Variants in FBXO32 observed in about 807,000 individuals in gnomAD.
FBXO32 encodes the protein F-box only protein 32.
A neutral mutation model predicts 48.3 loss-of-function variants in FBXO32; 15 were observed. The observed-to-expected ratio is 0.31, with a 90% CI of 0.21 to 0.48. The LOEUF (loss-of-function observed/expected upper bound fraction) is 0.48, where lower values mean the gene tolerates loss of function less well. FBXO32 is among the 20% of genes least tolerant of loss of function. The pLI, the probability that FBXO32 is intolerant of heterozygous loss-of-function variation, is 0.99. For synonymous variants in FBXO32, 154 were observed against 165.9 expected (o/e 0.93, Z 0.55); for missense variants, 309 against 432.7 (o/e 0.71, Z 2.54).
At chr8:123,535,490 T>C (rs1180835407) in intron 1 of FBXO32, among the ~76,000 whole-genome samples, 1 of 152,216 alleles carries the variant, frequency 6.6e-6, no homozygotes, top group Admixed American at 6.5e-5. Context: ...GGTGAAGACC[T>C]TGGGTCTTGA....
At position 123,500,850 on chromosome 8, in the gene FBXO32, C is replaced by G. The variant is rs1816467094; in HGVS notation, c.*2523G>C. On this transcript the variant is annotated 3_prime_UTR_variant, in exon 9 of 9. Coordinates refer to ENST00000517956, the MANE Select transcript of FBXO32 (RefSeq NM_058229.4). ...AAAATTTCCTTGAGTCTGTCATACA[C>G]CAGCTCCAATAACACCAAAGGACAC... 1 of 152,206 alleles carries G rather than the reference C, an allele frequency of 6.6e-6. No individual in the cohort carries two copies. Among genetic ancestry groups the G allele is most frequent in the Admixed American group, 6.5e-5 (1 of 15,284 alleles). The allele number at this position is 152,206 out of a possible 1,614,324, so 9.4% of individuals were successfully genotyped here. A position where few individuals can be genotyped will look rare whatever the true frequency, so the allele number is the denominator to read the frequency against.
At position 123,502,581 on chromosome 8, in the gene FBXO32, C is replaced by T. The variant is rs909361758; in HGVS notation, c.*792G>A. The stretch of plus-strand genomic sequence containing the variant: ...GCCTTCTTTTCCCCCAAATGAGCTA[C>T]AACATGACAGGAAAAAAGGAACATG... On this transcript the variant is annotated 3_prime_UTR_variant, in exon 9 of 9. Transcript: ENST00000517956. 5.3e-5 allele frequency: 8 copies of T among 152,182 alleles called. No homozygotes were observed. The highest frequency in any genetic ancestry group is 4.1e-4 in the South Asian group (2 of 4,830). The allele number at this position is 152,182 out of a possible 1,614,324, so 9.4% of individuals were successfully genotyped here.
At position 123,506,294 on chromosome 8, in the gene FBXO32, G is replaced by A; in HGVS notation, c.834+98C>T. The A allele has an allele frequency of 7.5e-7, 1 of 1,338,138 alleles. No homozygotes were observed. The highest frequency in any genetic ancestry group is 1.0e-6 in the Non-Finnish European group (1 of 957,052). The allele number at this position is 1,338,138 out of a possible 1,614,324, so 82.9% of individuals were successfully genotyped here. On this transcript the variant is annotated intron_variant, in intron 7 of 8. Transcript: ENST00000517956. The surrounding 1 kb of genome is among the most constrained non-coding windows in gnomAD (Gnocchi z 4.0). ...AGTCAAACCAGGGAACCTGGAATAG[G>A]GGGAACCCAGACCTCAGGCTTGAGC...
At chr8:123,534,630 T>C in intron 2 of FBXO32, 72 bp downstream of exon 2, 1 of 955,638 alleles carries the variant, frequency 1.0e-6, no homozygotes, top group Non-Finnish European at 1.7e-6. Flanking sequence ...AGGTGTTATT[T>C]TTTTTCATCC....
rs1041194419 is a variant in FBXO32 at position 123,540,571 on chromosome 8, C to G, written c.116+328G>C. Among the ~76,000 whole-genome samples the G allele has an allele frequency of 6.6e-6, 1 of 152,246 alleles. No homozygotes were observed. Among genetic ancestry groups the G allele is most frequent in the East Asian group, 1.9e-4 (1 of 5,190 alleles). On this transcript the variant is annotated intron_variant, in intron 1 of 8. Coordinates refer to ENST00000517956, the MANE Select transcript of FBXO32 (RefSeq NM_058229.4). This position sits in a 1 kb window ranked among gnomAD's most constrained non-coding sequence, Gnocchi z 6.4. ...GACTCCGGTGTCCTTAAAGCAGGGACCACTAAAGCTGTGTGATTAAGTTTG... is the reference window on the plus strand; with the variant it reads ...GACTCCGGTGTCCTTAAAGCAGGGAGCACTAAAGCTGTGTGATTAAGTTTG...
rs774475452 is a variant in FBXO32 at position 123,506,431 on chromosome 8, C to A, written c.795G>T (p.Leu265=). 6.2e-7 allele frequency: 1 copy of A among 1,614,128 alleles called. No homozygotes were observed. The highest frequency in any genetic ancestry group is 1.7e-5 in the Admixed American group (1 of 60,030). Residue 265 remains leucine (L), a synonymous_variant, in exon 7 of 9, where the codon CTG becomes CTT. Transcript: ENST00000517956. This position sits in a 1 kb window ranked among gnomAD's most constrained non-coding sequence, Gnocchi z 4.0. Reference sequence around the variant, plus strand: ...AGTGGTACTGGCAGAGTTTCTTCCACAGCAGCCGGTCTTCGCTGAGCACGT... The same window carrying A: ...AGTGGTACTGGCAGAGTTTCTTCCAAAGCAGCCGGTCTTCGCTGAGCACGT... ...DLHVLSEDRL[L]WKKLCQYHFS... is the part of the protein sequence containing the mutation.
rs1246739280 is a variant in FBXO32 at position 123,501,996 on chromosome 8, C to T, written c.*1377G>A. On this transcript the variant is annotated 3_prime_UTR_variant, in exon 9 of 9. Transcript: ENST00000517956. ...TTAGGTCCTGAGATTTCCTTTCTTCCACAGTTACCTGCTGATATTTGCCTC... is the reference window on the plus strand; with the variant it reads ...TTAGGTCCTGAGATTTCCTTTCTTCTACAGTTACCTGCTGATATTTGCCTC... 2 of 152,144 alleles carry T rather than the reference C, an allele frequency of 1.3e-5. No individual in the cohort carries two copies. Among genetic ancestry groups the T allele is most frequent in the African/African-American group, 4.8e-5 (2 of 41,418 alleles). The allele number at this position is 152,144 out of a possible 1,614,324, so 9.4% of individuals were successfully genotyped here. A position where few individuals can be genotyped will look rare whatever the true frequency, so the allele number is the denominator to read the frequency against.
intron 1 of FBXO32, among the ~76,000 whole-genome samples, chr8:123,538,833 A>AG (rs1243540827): frequency 6.6e-6 from 1 of 152,034 alleles, no homozygotes; most frequent in Non-Finnish European, 1.5e-5. Flanking sequence ...AGGACACGGG[A>AG]GGGGGGCTGT....
intron 6 of FBXO32, among the ~76,000 whole-genome samples, chr8:123,507,438 GGTGTGT>G (rs200031056): frequency 0.096 from 13,361 of 139,802 alleles, 788 homozygotes; most frequent in Admixed American, 0.21. Context: ...TCTGTGCTAG[GGTGTGT>G]GTGTGTGTGT....
chr8:123,515,604 A>C (rs1816824754), intron 4 of FBXO32, among the ~76,000 whole-genome samples: 1 of 152,186 alleles, frequency 6.6e-6, no homozygotes, highest in East Asian at 1.9e-4. Flanking sequence ...ATTGCCAGAC[A>C]AAAATAAATG....
chr8:123,517,497 G>C (rs1321363197), intron 4 of FBXO32, among the ~76,000 whole-genome samples: 1 of 139,300 alleles, frequency 7.2e-6, no homozygotes, highest in Non-Finnish European at 1.5e-5. Context: ...TTTTTTAACT[G>C]TCAGACAGCT....
chr8:123,517,610 C>T (rs1181128558), intron 4 of FBXO32, among the ~76,000 whole-genome samples: 1 of 151,808 alleles, frequency 6.6e-6, no homozygotes, highest in Non-Finnish European at 1.5e-5. Context: ...TCTGAGTGTC[C>T]ACCCTGTGCT....
rs1446676816 is a variant in FBXO32, at chr8:123,497,982, C to T, written c.*5391G>A. ...TACAAACAACTATAAAAAATCAGTT[C>T]ATCATGCAAGAAAAGTGTGCAAATA... On this transcript the variant is annotated 3_prime_UTR_variant, in exon 9 of 9. Transcript: ENST00000517956. The T allele has an allele frequency of 6.6e-6, 1 of 152,198 alleles. No homozygotes were observed. The highest frequency in any genetic ancestry group is 1.5e-5 in the Non-Finnish European group (1 of 68,042). 9.4% of individuals were successfully genotyped at this position (152,198 alleles called of 1,614,324 possible). A position where few individuals can be genotyped will look rare whatever the true frequency, so the allele number is the denominator to read the frequency against.
At position 123,513,830 on chromosome 8, in the gene FBXO32, T is replaced by G. The variant is rs190141982; in HGVS notation, c.466+410A>C. 2.0e-5 allele frequency among the ~76,000 whole-genome samples: 3 copies of G among 152,334 alleles called. No homozygotes were observed. The highest frequency in any genetic ancestry group is 2.0e-4 in the Admixed American group (3 of 15,298). On this transcript the variant is annotated intron_variant, in intron 5 of 8. Coordinates refer to ENST00000517956, the MANE Select transcript of FBXO32 (RefSeq NM_058229.4). This position sits in a 1 kb window ranked among gnomAD's most constrained non-coding sequence, Gnocchi z 4.3. ...CTCCTCATGGGCCTCAGTTTCACCA[T>G]GTGTACAATGAGTCAGTTGAACCAG...
rs1816475228 is a variant in FBXO32, at chr8:123,501,173, A to C, written c.*2200T>G. 6.6e-6 allele frequency: 1 copy of C among 152,146 alleles called. No individual in the cohort carries two copies. The highest frequency in any genetic ancestry group is 2.4e-5 in the African/African-American group (1 of 41,440). 9.4% of individuals were successfully genotyped at this position (152,146 alleles called of 1,614,324 possible). A position where few individuals can be genotyped will look rare whatever the true frequency, so the allele number is the denominator to read the frequency against. On this transcript the variant is annotated 3_prime_UTR_variant, in exon 9 of 9. Coordinates refer to ENST00000517956, the MANE Select transcript of FBXO32 (RefSeq NM_058229.4). ...CATGTGGAAGGCCATGAACCCCTAA[A>C]TCTAAAAATGTCACTAAGAGTCAAA...
intron 2 of FBXO32, 37 bp downstream of exon 2, chr8:123,534,665 A>G (rs1373661299): frequency 7.1e-7 from 1 of 1,404,070 alleles, no homozygotes; most frequent in Non-Finnish European, 1.0e-6. Context: ...ACTATCTTCA[A>G]ACAGCTTTTT....
chr8:123,516,768 A>T (rs1816847708), intron 4 of FBXO32, among the ~76,000 whole-genome samples: 1 of 152,028 alleles, frequency 6.6e-6, no homozygotes, highest in Admixed American at 6.6e-5. Context: ...GCAGGGAGAG[A>T]TGAGGCTAGC....
intron 4 of FBXO32, among the ~76,000 whole-genome samples, chr8:123,523,705 A>C (rs1056990605): frequency 1.3e-5 from 2 of 152,208 alleles, no homozygotes; most frequent in Non-Finnish European, 2.9e-5. Context: ...TAAGAAAAAA[A>C]AATTATACAA....
rs551969351 is a variant in FBXO32 at position 123,524,349 on chromosome 8, G to C, written c.372+7549C>G. ...AATGCTAATAATAATGACTAACAAGGCCAGAAATTCCAAGAGATACAGATT... is the reference window on the plus strand; with the variant it reads ...AATGCTAATAATAATGACTAACAAGCCCAGAAATTCCAAGAGATACAGATT... On this transcript the variant is annotated intron_variant, in intron 4 of 8. Transcript: ENST00000517956. Among the ~76,000 whole-genome samples the C allele has an allele frequency of 2.0e-5, 3 of 152,150 alleles. No individual in the cohort carries two copies. The South Asian group carries it at 6.2e-4, about 32-fold the overall frequency.
Sources: allele counts gnomAD v4.1 joint callset (sites outside exome capture counted in the v4.1 genomes callset), GRCh38; gene constraint gnomAD v4.1.1; non-coding constraint Gnocchi (gnomAD v3.1); transcripts MANE v1.5; gene names NCBI Gene and HGNC (gene_info 2026-07-23, HGNC 2026-07-21).